Variants in PLXNA2 observed in about 807,000 individuals in gnomAD.
PLXNA2 encodes the protein plexin-A2.
In PLXNA2, 91 loss-of-function variants were observed where a neutral mutation model predicts 193.5. That is an observed-to-expected ratio of 0.47 (90% CI 0.40 to 0.56). PLXNA2 has a LOEUF of 0.56. Among genes scored for constraint, PLXNA2 ranks in the 20% least tolerant of loss-of-function variants. The pLI is 0.00. For synonymous variants in PLXNA2, 997 were observed against 1,027.3 expected, an observed-to-expected ratio of 0.97 and a Z score of 0.56; for missense variants, 1,995 against 2,503.2, an observed-to-expected ratio of 0.80 and a Z score of 4.33.
chr1:208,224,930 C>T (rs1572052914), intron 1 of PLXNA2, among the ~76,000 whole-genome samples: 2 of 152,166 alleles, frequency 1.3e-5, no homozygotes, highest in African/African-American at 4.8e-5. Context: ...ACTACATCCA[C>T]GCTCCAATAA....
At chr1:208,097,815 C>T (rs79430472) in intron 6 of PLXNA2, among the ~76,000 whole-genome samples, 2,275 of 151,856 alleles carry the variant, frequency 0.015, 84 homozygotes, top group East Asian at 0.1. Context: ...GGTGACATCT[C>T]GGTGGCCTCC....
At position 208,044,631 on chromosome 1, in the gene PLXNA2, TGAG is replaced by T; in HGVS notation, c.3748_3750del (p.Leu1250del). 1 of 1,613,906 alleles carries T rather than the reference TGAG, an allele frequency of 6.2e-7. No homozygotes were observed. The highest frequency in any genetic ancestry group is 8.5e-7 in the Non-Finnish European group (1 of 1,179,952). On this transcript the variant is annotated inframe_deletion, in exon 20 of 32. Coordinates refer to ENST00000367033, the MANE Select transcript of PLXNA2 (RefSeq NM_025179.4). This position sits in a 1 kb window ranked among gnomAD's most constrained non-coding sequence, Gnocchi z 4.9. ...GCAATGAGGACGATGATGACGATGA[TGAG>T]GAGGAGGCTGCCGCCGGCCGCGATG...
chr1:208,054,329 G>C, intron 14 of PLXNA2, 92 bp downstream of exon 14: 1 of 800,148 alleles, frequency 1.2e-6, no homozygotes. Context: ...GAAGCCTGGT[G>C]GTGGAGGGGA....
chr1:208,198,636 A>T (rs1199897658), intron 3 of PLXNA2, among the ~76,000 whole-genome samples: 1 of 152,220 alleles, frequency 6.6e-6, no homozygotes, highest in Non-Finnish European at 1.5e-5. Flanking sequence ...CCGAGGTGAC[A>T]GCTGCCATGT....
At chr1:208,179,805 G>A (rs1669778978) in intron 3 of PLXNA2, among the ~76,000 whole-genome samples, 1 of 152,112 alleles carries the variant, frequency 6.6e-6, no homozygotes, top group Non-Finnish European at 1.5e-5. Flanking sequence ...GCCAGAGCAG[G>A]GATTCAGAAT....
chr1:208,125,339 G>A (rs1667941642), intron 4 of PLXNA2, among the ~76,000 whole-genome samples: 1 of 152,188 alleles, frequency 6.6e-6, no homozygotes, highest in African/African-American at 2.4e-5. Context: ...CATGCTCTTT[G>A]AAGGGCTGTC....
rs373183654 is a variant in PLXNA2 at position 208,217,428 on chromosome 1, C to T, written c.495G>A (p.Thr165=). 68 of 1,614,168 alleles carry T rather than the reference C, an allele frequency of 4.2e-5. No individual in the cohort carries two copies. In the Admixed American group the frequency reaches 8.7e-4, roughly 21 times the overall value. The part of the protein sequence containing the change: ...KEHYLSSVNK[T]GTMYGVIVRS... ...GCACAATCACCCCGTACATGGTGCC[C>T]GTCTTGTTGACACTGGACAGGTAGT... The change falls in exon 2 of 32, where the codon ACG becomes ACA. Residue 165 remains threonine, a synonymous_variant. Coordinates refer to ENST00000367033, the MANE Select transcript of PLXNA2 (RefSeq NM_025179.4). This position sits in a 1 kb window ranked among gnomAD's most constrained non-coding sequence, Gnocchi z 4.7.
intron 12 of PLXNA2, among the ~76,000 whole-genome samples, chr1:208,075,981 C>G (rs1006822452): frequency 6.6e-6 from 1 of 151,002 alleles, no homozygotes; most frequent in Non-Finnish European, 1.5e-5. Flanking sequence ...TTATTTGAAC[C>G]CAGGAGGTGG....
At chr1:208,161,379 CTTTAT>C (rs1382380119) in intron 3 of PLXNA2, among the ~76,000 whole-genome samples, 5 of 152,218 alleles carry the variant, frequency 3.3e-5, no homozygotes, top group Admixed American at 6.5e-5. Flanking sequence ...GAAGAAAAGG[CTTTAT>C]TTTATTTTTT....
At chr1:208,165,782 C>T (rs559650465) in intron 3 of PLXNA2, among the ~76,000 whole-genome samples, 5 of 152,294 alleles carry the variant, frequency 3.3e-5, no homozygotes, top group African/African-American at 9.6e-5. Context: ...GGACTGAGAG[C>T]GGCCTCAAGC....
chr1:208,219,754 G>A (rs1273965856), intron 1 of PLXNA2, among the ~76,000 whole-genome samples: 1 of 152,172 alleles, frequency 6.6e-6, no homozygotes, highest in Non-Finnish European at 1.5e-5. Context: ...GACTCCCCCA[G>A]GGTGTTCGGG....
At chr1:208,033,650 A>T (rs1446470765) in intron 27 of PLXNA2, 141 bp from the exon 28 acceptor site, 11 of 590,698 alleles carry the variant, frequency 1.9e-5, no homozygotes, top group Non-Finnish European at 3.0e-5. Context: ...GGGACCTCAT[A>T]TATGGTAGGT....
In PLXNA2 at chr1:208,051,627, G is replaced by A. The variant is rs754283837; in HGVS notation, c.2994-204C>T. ...ATTAGGGAGGCAGCAAATTGGAGAC[G>A]GGGGTTTGAAAATGAGGGGCAGGGA... On this transcript the variant is annotated intron_variant, in intron 15 of 31. Transcript: ENST00000367033. Among the ~76,000 whole-genome samples, 144 of 152,304 alleles carry A rather than the reference G, an allele frequency of 9.5e-4. No homozygotes were observed. The Middle Eastern group carries it at 0.01, about 11-fold the overall frequency.
intron 4 of PLXNA2, among the ~76,000 whole-genome samples, chr1:208,108,617 A>G (rs1667353232): frequency 6.6e-6 from 1 of 152,202 alleles, no homozygotes; most frequent in African/African-American, 2.4e-5. Context: ...AAAACCTCAC[A>G]TGATTCTGAC....
intron 12 of PLXNA2, among the ~76,000 whole-genome samples, chr1:208,062,626 G>A (rs1276525475): frequency 6.6e-6 from 1 of 152,086 alleles, no homozygotes; most frequent in Non-Finnish European, 1.5e-5. Context: ...CTATGGCTCT[G>A]ACTCCCTTGT....
chr1:208,044,861 C>G lies in PLXNA2; in HGVS notation c.3640-119G>C. 1.0e-6 allele frequency: 1 copy of G among 997,940 alleles called. No individual in the cohort carries two copies. The highest frequency in any genetic ancestry group is 2.6e-5 in the East Asian group (1 of 38,602). 61.8% of individuals were successfully genotyped at this position (997,940 alleles called of 1,614,324 possible). On this transcript the variant is annotated intron_variant, in intron 19 of 31. Transcript: ENST00000367033. The surrounding 1 kb of genome is among the most constrained non-coding windows in gnomAD (Gnocchi z 4.9). ...CAGACCACAACCACACAGTGCAGCT[C>G]TAGATAAAAAGCAATTTCCTGCCTC...
intron 1 of PLXNA2, chr1:208,218,218 T>C: frequency 1.9e-6 from 1 of 514,996 alleles, no homozygotes; most frequent in East Asian, 3.4e-5. Flanking sequence ...ATAAAATACT[T>C]GCTTTTTTTA....
chr1:208,064,241 C>T (rs573434410), intron 12 of PLXNA2, among the ~76,000 whole-genome samples: 1 of 152,318 alleles, frequency 6.6e-6, no homozygotes, highest in East Asian at 1.9e-4. Flanking sequence ...CCACACTAAC[C>T]CCAAGGGTTT....
chr1:208,075,335 A>G (rs1430429931), intron 12 of PLXNA2, among the ~76,000 whole-genome samples: 10 of 152,196 alleles, frequency 6.6e-5, no homozygotes, highest in African/African-American at 2.2e-4. Context: ...ATAAGAAAAG[A>G]AAATCTCCTT....
Sources: gnomAD v4.1 joint callset for allele counts (sites outside exome capture counted in the v4.1 genomes callset) on GRCh38, gnomAD v4.1.1 for gene constraint, Gnocchi (gnomAD v3.1) non-coding constraint, MANE v1.5 for transcripts, NCBI Gene and HGNC (gene_info 2026-07-23, HGNC 2026-07-21) for gene names.